Variants in CEP55 observed in about 807,000 individuals in gnomAD.
The protein encoded by CEP55 is centrosomal protein 55, also known as centrosomal protein of 55 kDa.
CEP55 carries 57 observed loss-of-function variants against 63.2 expected under a neutral mutation model. That is an observed-to-expected ratio of 0.90 (90% CI 0.73 to 1.13). CEP55 has a LOEUF of 1.13. Ranked by LOEUF, CEP55 falls within the 50% of genes most tolerant of loss-of-function variation. The probability of loss-of-function intolerance (pLI) is 0.00; values close to 1 mark genes in which losing one functional copy is unlikely to be tolerated. For missense variants in CEP55, 456 were observed against 518.9 expected (o/e 0.88, Z 1.18); for synonymous variants, 178 against 191.6 (o/e 0.93, Z 0.59).
intron 1 of CEP55, 30 bp from the exon 2 acceptor site, chr10:93,500,010 G>A (rs1394417731): frequency 6.8e-7 from 1 of 1,463,906 alleles, no homozygotes; most frequent in Non-Finnish European, 9.4e-7. Flanking sequence ...TTTAAACTCA[G>A]AATTATACAG....
At chr10:93,511,402 A>G (rs1338252761) in intron 4 of CEP55, among the ~76,000 whole-genome samples, 1 of 152,170 alleles carries the variant, frequency 6.6e-6, no homozygotes, top group East Asian at 1.9e-4. Context: ...AATACAATCA[A>G]TATTTATGAT....
chr10:93,502,322 A>G lies in CEP55; in HGVS notation c.184-791A>G, dbSNP rs116341949. On this transcript the variant is annotated intron_variant, in intron 2 of 8. Coordinates refer to ENST00000371485, the MANE Select transcript of CEP55 (RefSeq NM_018131.5). ...CTGTCTCATACTACTGATTTGAGTT[A>G]AGCTTGTGGCCAACTATAATCTCCT... Among the ~76,000 whole-genome samples, 654 of 152,270 alleles carry G rather than the reference A, an allele frequency of 4.3e-3. 4 individuals are homozygous for G. The highest frequency in any genetic ancestry group is 0.014 in the African/African-American group (594 of 41,542).
rs1049883262 is a variant in CEP55, at chr10:93,519,010, T to G, written c.1065+62T>G. ...TGTTAGAAAATGCAGTTTTTCCTCA[T>G]GTTTATGCTGTTCTATGGAGAACTG... On this transcript the variant is annotated intron_variant, in intron 7 of 8. Coordinates refer to ENST00000371485, the MANE Select transcript of CEP55 (RefSeq NM_018131.5). 4 of 1,231,044 alleles carry G rather than the reference T, an allele frequency of 3.2e-6. No homozygotes were observed. The African/African-American group carries it at 5.9e-5, about 18-fold the overall frequency. The allele number at this position is 1,231,044 out of a possible 1,614,324, so 76.3% of individuals were successfully genotyped here.
chr10:93,515,623 A>G (rs2057796617), intron 5 of CEP55, 68 bp downstream of exon 5: 1 of 1,440,838 alleles, frequency 6.9e-7, no homozygotes, highest in South Asian at 1.5e-5. Context: ...TGATTCATCA[A>G]ATTTAGATTT....
chr10:93,515,262 T>C (rs892280745), intron 4 of CEP55, 143 bp from the exon 5 acceptor site: 4 of 612,832 alleles, frequency 6.5e-6, no homozygotes, highest in African/African-American at 5.5e-5. Context: ...TCTGAAGGCA[T>C]GTAACATAGA....
Position 93,503,274 on chromosome 10 carries a change from G to A in CEP55, c.345G>A (p.Glu115=), listed in dbSNP as rs1301188903. 6.3e-7 allele frequency: 1 copy of A among 1,581,920 alleles called. No homozygotes were observed. Among genetic ancestry groups the A allele is most frequent in the Non-Finnish European group, 8.7e-7 (1 of 1,150,628 alleles). ...EETTREGERR[E]QVLKALSEEK... is the part of the protein sequence containing the mutation. ...CAACGAGAGAAGGAGAAAGGAGGGA[G>A]CAGGTGTTGAAAGCCTTATCTGAAG... Residue 115 remains glutamate, a synonymous_variant, in exon 3 of 9, where the codon GAG becomes GAA. Transcript: ENST00000371485.
chr10:93,518,845 G>A (rs2057828932), intron 6 of CEP55, 32 bp from the exon 7 acceptor site: 3 of 1,510,994 alleles, frequency 2.0e-6, no homozygotes, highest in South Asian at 1.2e-5. Context: ...AAGGTTGGAT[G>A]TGACAGCATT....
intron 2 of CEP55, among the ~76,000 whole-genome samples, chr10:93,501,561 C>T (rs1564760758): frequency 2.0e-5 from 3 of 151,876 alleles, no homozygotes; most frequent in South Asian, 4.2e-4. Context: ...CCCAACTACT[C>T]GGGAAGCTGA....
At chr10:93,525,067 A>C (rs1265097187) in intron 8 of CEP55, among the ~76,000 whole-genome samples, 2 of 151,472 alleles carry the variant, frequency 1.3e-5, no homozygotes, top group African/African-American at 4.8e-5. Flanking sequence ...CCTATTCAAC[A>C]TAGTGTTGGA....
rs771876020 is a variant in CEP55 at position 93,528,513 on chromosome 10, C to G, written c.*360C>G. On this transcript the variant is annotated 3_prime_UTR_variant, in exon 9 of 9. Coordinates refer to ENST00000371485, the MANE Select transcript of CEP55 (RefSeq NM_018131.5). ...TTATGTTTTGGGGGTTTTGAAAAAT[C>G]AAAGATAATTAACCAAGGATCTTAA... 122 of 201,086 alleles carry G rather than the reference C, an allele frequency of 6.1e-4. No homozygotes were observed. The highest frequency in any genetic ancestry group is 1.5e-3 in the Admixed American group (28 of 18,286). The allele number at this position is 201,086 out of a possible 1,614,324, so 12.5% of individuals were successfully genotyped here.
intron 4 of CEP55, among the ~76,000 whole-genome samples, chr10:93,514,771 T>C (rs10786109): frequency 0.6 from 91,208 of 151,970 alleles, 28,149 homozygotes; most frequent in Admixed American, 0.68. Flanking sequence ...AGATCCTCTT[T>C]TTTTTGTTTG....
At position 93,515,330 on chromosome 10, in the gene CEP55, A is replaced by T; in HGVS notation, c.529-75A>T. 2.2e-6 allele frequency: 3 copies of T among 1,367,668 alleles called. No homozygotes were observed. The East Asian group carries it at 7.0e-5, about 32-fold the overall frequency. 84.7% of individuals were successfully genotyped at this position (1,367,668 alleles called of 1,614,324 possible). ...AGTTTTTGTTGGAAAAGACTACATC[A>T]CTTGGACTCTCTTGCCCATTTTAAG... On this transcript the variant is annotated intron_variant, in intron 4 of 8. Coordinates refer to ENST00000371485, the MANE Select transcript of CEP55 (RefSeq NM_018131.5).
intron 8 of CEP55, among the ~76,000 whole-genome samples, chr10:93,521,512 T>A (rs1420066652): frequency 6.6e-6 from 1 of 152,166 alleles, no homozygotes; most frequent in African/African-American, 2.4e-5. Context: ...AGACTCCAAC[T>A]CTGGGGGCAG....
rs1269406513 is a variant in CEP55, at chr10:93,517,119, G to A, written c.864G>A (p.Arg288=). The change falls in exon 6 of 9, where the codon AGG becomes AGA. Residue 288 remains arginine, a synonymous_variant. Transcript: ENST00000371485. ...NLNQLLYSQR[R]ADVQHLEDDR... ...ATCAGCTGTTGTATTCACAAAGAAG[G>A]GCAGATGTGCAACATCTGGAAGATG... 1 of 1,613,772 alleles carries A rather than the reference G, an allele frequency of 6.2e-7. No individual in the cohort carries two copies. Among genetic ancestry groups the A allele is most frequent in the South Asian group, 1.1e-5 (1 of 91,072 alleles).
At position 93,503,168 on chromosome 10, in the gene CEP55, A is replaced by G. The variant is rs1047775735; in HGVS notation, c.239A>G (p.Lys80Arg). The change falls in exon 3 of 9, where the codon AAG becomes AGG. Residue 80 changes from lysine (K) to arginine (R), a missense_variant. Coordinates refer to ENST00000371485, the MANE Select transcript of CEP55 (RefSeq NM_018131.5). ...AAGAATGCTTATCAACTCACAGAGAAGGACAAAGAAATACAGCGACTGAGA... is the reference window on the plus strand; with the variant it reads ...AAGAATGCTTATCAACTCACAGAGAGGGACAAAGAAATACAGCGACTGAGA... ...KEKNAYQLTE[K>R]DKEIQRLRDQ... The G allele has an allele frequency of 3.1e-6, 5 of 1,614,058 alleles. No individual in the cohort carries two copies. Among genetic ancestry groups the G allele is most frequent in the South Asian group, 1.1e-5 (1 of 91,084 alleles).
intron 4 of CEP55, among the ~76,000 whole-genome samples, chr10:93,513,800 C>T (rs1205661706): frequency 6.6e-6 from 1 of 152,148 alleles, no homozygotes; most frequent in African/African-American, 2.4e-5. Flanking sequence ...CCCTGCCATA[C>T]AAAGCTTCTG....
Position 93,501,598 on chromosome 10 carries a change from G to A in CEP55, c.183+1364G>A, listed in dbSNP as rs139073395. On this transcript the variant is annotated intron_variant, in intron 2 of 8. Transcript: ENST00000371485. ...GCAGGAGAATCGCATGAACCCAGGA[G>A]ACAGGTTGCAGTGAGCCAAGATCGC... Among the ~76,000 whole-genome samples the A allele has an allele frequency of 7.6e-3, 1,159 of 151,984 alleles. 12 individuals are homozygous for A. The highest frequency in any genetic ancestry group is 0.054 in the Middle Eastern group (16 of 294).
intron 2 of CEP55, among the ~76,000 whole-genome samples, chr10:93,501,054 C>G (rs895965611): frequency 6.6e-6 from 1 of 152,130 alleles, no homozygotes; most frequent in Non-Finnish European, 1.5e-5. Context: ...TCTGGTTTTC[C>G]TGTTAATTTA....
At chr10:93,497,739 T>G (rs933848626) in intron 1 of CEP55, among the ~76,000 whole-genome samples, 1 of 151,512 alleles carries the variant, frequency 6.6e-6, no homozygotes, top group Non-Finnish European at 1.5e-5. Flanking sequence ...GGGGCAGCTA[T>G]ATCGTTTGTT....
Sources: allele counts gnomAD v4.1 joint callset (sites outside exome capture counted in the v4.1 genomes callset), GRCh38; gene constraint gnomAD v4.1.1; transcripts MANE v1.5; gene names NCBI Gene and HGNC (gene_info 2026-07-23, HGNC 2026-07-21).